TNFRSF10D: variants seen among roughly 807,000 people sequenced by gnomAD.
TNFRSF10D encodes TNF receptor superfamily member 10d, also known as tumor necrosis factor receptor superfamily member 10D.
A neutral mutation model predicts 42.1 loss-of-function variants in TNFRSF10D; 28 were observed. The observed-to-expected ratio is 0.66, with a 90% confidence interval of 0.49 to 0.91. TNFRSF10D has a LOEUF of 0.91. Ranked by LOEUF, TNFRSF10D falls within the 40% of genes least tolerant of loss-of-function variation. The probability of loss-of-function intolerance (pLI) is 0.00; values close to 1 mark genes in which losing one functional copy is unlikely to be tolerated. For synonymous variants in TNFRSF10D, 186 were observed against 189.4 expected, an observed-to-expected ratio of 0.98 and a Z score of 0.15; for missense variants, 503 against 486.1, an observed-to-expected ratio of 1.03 and a Z score of -0.33.
chr8:23,140,318 T>C (rs964259303), intron 7 of TNFRSF10D, among the ~76,000 whole-genome samples: 1 of 151,454 alleles, frequency 6.6e-6, no homozygotes, highest in African/African-American at 2.4e-5. Flanking sequence ...AGCATATCTA[T>C]ATACCAATAA....
At chr8:23,142,742 A>T (rs1800048006) in intron 7 of TNFRSF10D, among the ~76,000 whole-genome samples, 1 of 152,236 alleles carries the variant, frequency 6.6e-6, no homozygotes, top group Admixed American at 6.5e-5. Context: ...AATTTGAAAA[A>T]GGAAAAATAA....
Position 23,144,990 on chromosome 8 carries a change from G to A in TNFRSF10D, c.768+68C>T. The A allele has an allele frequency of 5.0e-6, 8 of 1,605,054 alleles. No homozygotes were observed. The South Asian group carries it at 6.6e-5, about 13-fold the overall frequency. ...AGGACAAGGGATTGTGCCCACCCAG[G>A]CTCGGCAGTGGATGGGAAGCAGTTC... On this transcript the variant is annotated intron_variant, in intron 6 of 8. Coordinates refer to ENST00000312584, the MANE Select transcript of TNFRSF10D (RefSeq NM_003840.5).
chr8:23,150,848 T>G (rs1800204380), intron 2 of TNFRSF10D, among the ~76,000 whole-genome samples: 1 of 150,914 alleles, frequency 6.6e-6, no homozygotes, highest in Admixed American at 6.6e-5. Flanking sequence ...CATTTGAAAT[T>G]ACCAAGTCAC....
At chr8:23,161,145 C>G (rs1395382675) in intron 1 of TNFRSF10D, among the ~76,000 whole-genome samples, 1 of 152,256 alleles carries the variant, frequency 6.6e-6, no homozygotes, top group African/African-American at 2.4e-5. Context: ...CCTGCTAACA[C>G]AGCCCTCTGA....
chr8:23,163,753 C>T, intron 1 of TNFRSF10D, 33 bp downstream of exon 1: 6 of 1,601,748 alleles, frequency 3.7e-6, no homozygotes, highest in Non-Finnish European at 5.1e-6. Flanking sequence ...CAGGTGCGCT[C>T]TTCCCCAGCC....
chr8:23,149,589 T>A (rs1463419602), intron 2 of TNFRSF10D, among the ~76,000 whole-genome samples: 2 of 151,104 alleles, frequency 1.3e-5, no homozygotes, highest in African/African-American at 4.9e-5. Flanking sequence ...CAAAATAAAA[T>A]CCAACCTCAT....
At position 23,147,070 on chromosome 8, in the gene TNFRSF10D, G is replaced by C. The variant is rs767677606; in HGVS notation, c.373C>G (p.Gln125Glu). The change falls in exon 4 of 9, where the codon CAA becomes GAA. Residue 125 changes from glutamine (Q) to glutamate (E), a missense_variant and splice_region_variant. Transcript: ENST00000312584. ...CLLCTVCKSG[Q>E]TNKSSCTTTR... ...GTGGTACAGGAACTTTTATTTGTTTGACCTGACAACAGAGCATAAGGTTTT... is the reference window on the plus strand; with the variant it reads ...GTGGTACAGGAACTTTTATTTGTTTCACCTGACAACAGAGCATAAGGTTTT... The C allele has an allele frequency of 6.2e-7, 1 of 1,612,966 alleles. No homozygotes were observed. Among genetic ancestry groups the C allele is most frequent in the Non-Finnish European group, 8.5e-7 (1 of 1,179,260 alleles).
chr8:23,157,248 G>A (rs1024344305), intron 1 of TNFRSF10D, among the ~76,000 whole-genome samples: 2 of 151,984 alleles, frequency 1.3e-5, no homozygotes, highest in Non-Finnish European at 2.9e-5. Context: ...ATTTCACTCC[G>A]AGCACTGTTA....
Position 23,147,082 on chromosome 8 carries a change from G to T in TNFRSF10D, c.371-10C>A. 1 of 1,609,616 alleles carries T rather than the reference G, an allele frequency of 6.2e-7. No individual in the cohort carries two copies. The highest frequency in any genetic ancestry group is 1.1e-5 in the South Asian group (1 of 90,982). ...CTTTTATTTGTTTGACCTGACAACAGAGCATAAGGTTTTGAGAATGTGTTT... is the reference window on the plus strand; with the variant it reads ...CTTTTATTTGTTTGACCTGACAACATAGCATAAGGTTTTGAGAATGTGTTT... On this transcript the variant is annotated splice_polypyrimidine_tract_variant and intron_variant, in intron 3 of 8. Coordinates refer to ENST00000312584, the MANE Select transcript of TNFRSF10D (RefSeq NM_003840.5).
chr8:23,163,314 G>C (rs1032671904), intron 1 of TNFRSF10D, among the ~76,000 whole-genome samples: 4 of 152,156 alleles, frequency 2.6e-5, no homozygotes, highest in East Asian at 1.9e-4. Context: ...TGGTGGCTAG[G>C]CTGGTCTCCA....
chr8:23,151,938 T>A (rs1430169629), intron 2 of TNFRSF10D, among the ~76,000 whole-genome samples: 5 of 152,206 alleles, frequency 3.3e-5, no homozygotes, highest in Non-Finnish European at 5.9e-5. Flanking sequence ...TCCAGGAGAT[T>A]TCATCATGGA....
chr8:23,148,627 C>G (rs1292614778), intron 2 of TNFRSF10D, 76 bp from the exon 3 acceptor site: 5 of 1,108,408 alleles, frequency 4.5e-6, no homozygotes, highest in Non-Finnish European at 6.7e-6. Flanking sequence ...GCAAATTTCT[C>G]TTTTGGCCCT....
At chr8:23,162,830 C>A (rs1354614703) in intron 1 of TNFRSF10D, among the ~76,000 whole-genome samples, 1 of 152,104 alleles carries the variant, frequency 6.6e-6, no homozygotes, top group Non-Finnish European at 1.5e-5. Context: ...TTACAAAAAA[C>A]AGCGTTGGAA....
At position 23,137,909 on chromosome 8, in the gene TNFRSF10D, A is replaced by G. The variant is rs1285385546; in HGVS notation, c.1122T>C (p.Tyr374=). The change falls in exon 9 of 9, where the codon TAT becomes TAC. Residue 374 remains tyrosine (Y), a synonymous_variant. Transcript: ENST00000312584. The part of the protein sequence containing the change: ...DQLVGSEKLF[Y]EEDEAGSATS... ...TAGCAGAGCCTGCCTCATCTTCTTC[A>G]TAAAAGAGCTTTTCGGAGCCCACCA... is the stretch of plus-strand genomic sequence containing the variant. The G allele has an allele frequency of 6.2e-7, 1 of 1,614,212 alleles. No individual in the cohort carries two copies.
chr8:23,156,878 TTC>T (rs2128839352), intron 1 of TNFRSF10D, among the ~76,000 whole-genome samples: 1 of 152,330 alleles, frequency 6.6e-6, no homozygotes, highest in African/African-American at 2.4e-5. Flanking sequence ...GTTTTGTCAG[TTC>T]TTTTTGTGGT....
intron 1 of TNFRSF10D, among the ~76,000 whole-genome samples, chr8:23,163,116 T>TTTTA (rs1800398511): frequency 1.2e-5 from 1 of 86,620 alleles, no homozygotes; most frequent in African/African-American, 4.1e-5. Flanking sequence ...TTTTTTTTTT[T>TTTTA]GAGACGGAGT....
chr8:23,151,358 A>AC (rs1800210419), intron 2 of TNFRSF10D, among the ~76,000 whole-genome samples: 1 of 151,290 alleles, frequency 6.6e-6, no homozygotes, highest in Admixed American at 6.6e-5. Context: ...GAAAAAAAAA[A>AC]ACGGGGGGAG....
chr8:23,140,293 AG>A (rs1814437462), intron 7 of TNFRSF10D, among the ~76,000 whole-genome samples: 1 of 151,878 alleles, frequency 6.6e-6, no homozygotes, highest in Non-Finnish European at 1.5e-5. Context: ...TGTCTCAAAA[AG>A]AAAAAAAATC....
chr8:23,142,972 TTTTTTG>T (rs1190369544), intron 7 of TNFRSF10D, among the ~76,000 whole-genome samples: 2 of 150,156 alleles, frequency 1.3e-5, no homozygotes, highest in African/African-American at 5.0e-5. Context: ...CCTTTGTTTT[TTTTTTG>T]TTTTTGTTTT....
Sources: gnomAD v4.1 joint callset for allele counts (sites outside exome capture counted in the v4.1 genomes callset) on GRCh38, gnomAD v4.1.1 for gene constraint, MANE v1.5 for transcripts, NCBI Gene and HGNC (gene_info 2026-07-23, HGNC 2026-07-21) for gene names.